MYO16: variants seen among roughly 807,000 people sequenced by gnomAD.
MYO16 encodes unconventional myosin-XVI.
A neutral mutation model predicts 205.3 loss-of-function variants in MYO16; 94 were observed. The observed-to-expected ratio is 0.46, with a 90% CI of 0.39 to 0.54. The LOEUF is 0.54. Ranked by LOEUF, MYO16 falls within the 20% of genes least tolerant of loss-of-function variation. MYO16 has a pLI of 0.00. For synonymous variants in MYO16, 988 were observed against 954.0 expected (o/e 1.04, Z -0.66); for missense variants, 2,315 against 2,387.5 (o/e 0.97, Z 0.63).
intron 25 of MYO16, 68 bp downstream of exon 25, chr13:109,052,543 T>TTA (rs1887279764): frequency 8.3e-7 from 1 of 1,197,718 alleles, no homozygotes; most frequent in South Asian, 1.5e-5. Flanking sequence ...TCTTTTTTTT[T>TTA]AAAAAAAAGC....
chr13:109,072,211 C>T (rs9555555), intron 27 of MYO16, among the ~76,000 whole-genome samples: 75,963 of 151,962 alleles, frequency 0.5, 19,017 homozygotes, highest in Middle Eastern at 0.55. Flanking sequence ...CGCATGTTCA[C>T]TTTCAATTTT....
At chr13:108,900,210 G>A (rs1305118591) in intron 15 of MYO16, among the ~76,000 whole-genome samples, 2 of 152,050 alleles carry the variant, frequency 1.3e-5, no homozygotes, top group Non-Finnish European at 2.9e-5. Context: ...AAATAATTAT[G>A]TACACATATT....
At chr13:109,054,963 T>A in intron 25 of MYO16, 83 bp from the exon 26 acceptor site, 8 of 684,850 alleles carry the variant, frequency 1.2e-5, no homozygotes, top group South Asian at 2.0e-5. Flanking sequence ...TCCCTTCCCC[T>A]TCCTCCCTCC....
chr13:109,200,181 A>C (rs1880343597), intron 34 of MYO16, among the ~76,000 whole-genome samples: 3 of 152,210 alleles, frequency 2.0e-5, no homozygotes, highest in Admixed American at 6.5e-5. Flanking sequence ...GTGGCCTATC[A>C]TAGTCTTACA....
At chr13:109,001,479 C>A (rs1447519602) in intron 21 of MYO16, among the ~76,000 whole-genome samples, 1 of 152,044 alleles carries the variant, frequency 6.6e-6, no homozygotes, top group East Asian at 1.9e-4. Context: ...ATGGTGCTAG[C>A]AAAAGAGTAA....
chr13:108,696,917 T>C (rs1203012949), intron 2 of MYO16, among the ~76,000 whole-genome samples: 1 of 151,264 alleles, frequency 6.6e-6, no homozygotes, highest in Non-Finnish European at 1.5e-5. Context: ...TTCTAATAAA[T>C]CTGATTTCTG....
intron 2 of MYO16, among the ~76,000 whole-genome samples, chr13:108,666,868 C>T (rs952929015): frequency 6.6e-6 from 1 of 152,156 alleles, no homozygotes; most frequent in Non-Finnish European, 1.5e-5. Context: ...AACCCACTTT[C>T]CCAAGTTCAA....
At chr13:108,543,266 G>T in the MYO16 span, among the ~76,000 whole-genome samples, 507 of 152,240 alleles carry the variant, frequency 3.3e-3, 10 homozygotes, top group South Asian at 0.056. Context: ...TACTATGATT[G>T]TAAAATGCAC....
chr13:108,677,167 G>A (rs563361164), intron 2 of MYO16, among the ~76,000 whole-genome samples: 1 of 152,084 alleles, frequency 6.6e-6, no homozygotes, highest in Non-Finnish European at 1.5e-5. Context: ...AGGGAAGCAA[G>A]AAAAGCTTGA....
At chr13:108,846,461 A>ATT (rs1007433515) in intron 10 of MYO16, among the ~76,000 whole-genome samples, 1 of 151,394 alleles carries the variant, frequency 6.6e-6, no homozygotes, top group Non-Finnish European at 1.5e-5. Context: ...AAATAATATC[A>ATT]TTATATATAT....
chr13:108,606,305 C>A (rs530595410), intron 1 of MYO16, among the ~76,000 whole-genome samples: 13 of 152,266 alleles, frequency 8.5e-5, no homozygotes, highest in African/African-American at 2.6e-4. Flanking sequence ...ATGTCAGAGA[C>A]CTTCTCAGCC....
chr13:108,862,850 G>A (rs112930139), intron 11 of MYO16, among the ~76,000 whole-genome samples: 1 of 151,922 alleles, frequency 6.6e-6, no homozygotes, highest in Non-Finnish European at 1.5e-5. Flanking sequence ...CCCTTTTATT[G>A]GCCATCTTTA....
At chr13:108,994,066 T>A (rs1421524739) in intron 21 of MYO16, among the ~76,000 whole-genome samples, 4 of 152,220 alleles carry the variant, frequency 2.6e-5, no homozygotes, top group African/African-American at 9.6e-5. Context: ...ACTTTTAAGT[T>A]ATTTTCTTAC....
At chr13:109,008,753 TAC>T in intron 21 of MYO16, 142 bp from the exon 22 acceptor site, 1 of 455,904 alleles carries the variant, frequency 2.2e-6, no homozygotes, top group Non-Finnish European at 3.7e-6. Context: ...TGCACTACTG[TAC>T]TATCTTGTGT....
At chr13:108,840,407 T>C (rs1326136010) in intron 9 of MYO16, among the ~76,000 whole-genome samples, 1 of 152,200 alleles carries the variant, frequency 6.6e-6, no homozygotes, top group Non-Finnish European at 1.5e-5. Flanking sequence ...GGTGAGACTG[T>C]GGTGGTTACT....
intron 27 of MYO16, among the ~76,000 whole-genome samples, chr13:109,073,162 C>T (rs923101099): frequency 3.3e-5 from 5 of 149,460 alleles, no homozygotes; most frequent in African/African-American, 7.4e-5. Flanking sequence ...AGTGTAGTGG[C>T]GCAATCTCAG....
intron 3 of MYO16, among the ~76,000 whole-genome samples, chr13:108,716,615 C>T (rs1883954218): frequency 1.3e-5 from 2 of 152,168 alleles, no homozygotes; most frequent in Non-Finnish European, 2.9e-5. Context: ...ATGTAGCCAT[C>T]TAAAATGTCA....
chr13:108,684,313 A>G (rs1395168615), intron 2 of MYO16, among the ~76,000 whole-genome samples: 1 of 152,156 alleles, frequency 6.6e-6, no homozygotes, highest in African/African-American at 2.4e-5. Flanking sequence ...GTCTCCTTTT[A>G]GCAAGCCTGG....
chr13:109,144,675 CT>C (rs34832082), intron 32 of MYO16, among the ~76,000 whole-genome samples: 1 of 152,158 alleles, frequency 6.6e-6, no homozygotes, highest in East Asian at 1.9e-4. Context: ...CTAATTTACC[CT>C]TCAGGGTCCT....
Sources: gnomAD v4.1 joint callset for allele counts (sites outside exome capture counted in the v4.1 genomes callset) on GRCh38, gnomAD v4.1.1 for gene constraint, MANE v1.5 for transcripts, NCBI Gene and HGNC (gene_info 2026-07-23, HGNC 2026-07-21) for gene names.